Variants in PDZD2 observed in about 807,000 individuals in gnomAD.
The protein encoded by PDZD2 is PDZ domain containing 2.
In PDZD2, 90 loss-of-function variants were observed where a neutral mutation model predicts 220.7. That is an observed-to-expected ratio of 0.41 (90% confidence interval 0.34 to 0.49). The LOEUF (loss-of-function observed/expected upper bound fraction) is 0.49, where lower values mean the gene tolerates loss of function less well. PDZD2 is among the 20% of genes least tolerant of loss of function. The probability of loss-of-function intolerance (pLI) is 0.28; values close to 1 mark genes in which losing one functional copy is unlikely to be tolerated. For synonymous variants in PDZD2, 1,375 were observed against 1,450.5 expected (o/e 0.95, Z 1.18); for missense variants, 3,174 against 3,608.5 (o/e 0.88, Z 3.08).
intron 19 of PDZD2, among the ~76,000 whole-genome samples, chr5:32,078,437 C>G (rs1354925457): frequency 6.6e-6 from 1 of 151,922 alleles, no homozygotes; most frequent in African/African-American, 2.4e-5. Context: ...TAAGACCAGC[C>G]TGGCCAACAT....
intron 2 of PDZD2, among the ~76,000 whole-genome samples, chr5:31,821,235 T>A (rs1244124328): frequency 1.3e-5 from 2 of 152,088 alleles, no homozygotes; most frequent in East Asian, 3.8e-4. Flanking sequence ...ATTACATTTT[T>A]AAATTTATCT....
At chr5:31,654,397 A>G (rs1745465523) in intron 1 of PDZD2, among the ~76,000 whole-genome samples, 2 of 151,966 alleles carry the variant, frequency 1.3e-5, no homozygotes, top group Admixed American at 1.3e-4. Context: ...ATAATGCTGG[A>G]GGGCCCAGGA....
chr5:31,903,209 G>A (rs1332326919), intron 2 of PDZD2, among the ~76,000 whole-genome samples: 2 of 151,432 alleles, frequency 1.3e-5, no homozygotes, highest in Non-Finnish European at 2.9e-5. Flanking sequence ...CGGGAAAATC[G>A]CTTGAACCCG....
intron 1 of PDZD2, among the ~76,000 whole-genome samples, chr5:31,793,080 C>A (rs1412439281): frequency 6.6e-6 from 1 of 152,008 alleles, no homozygotes; most frequent in African/African-American, 2.4e-5. Flanking sequence ...TCAGGTGATC[C>A]GCCCACCTTG....
At chr5:32,082,707 C>CGT (rs1441273653) in intron 19 of PDZD2, among the ~76,000 whole-genome samples, 1 of 152,062 alleles carries the variant, frequency 6.6e-6, no homozygotes, top group Non-Finnish European at 1.5e-5. Flanking sequence ...CAGTAAGATA[C>CGT]GTGTGTGTGT....
chr5:32,002,774 C>CACACA (rs1230801684), intron 5 of PDZD2, among the ~76,000 whole-genome samples: 1 of 29,958 alleles, frequency 3.3e-5, no homozygotes, highest in Non-Finnish European at 7.7e-5. Flanking sequence ...ACCACACACA[C>CACACA]CAACACACAA....
chr5:31,727,375 A>G (rs935539033), intron 1 of PDZD2, among the ~76,000 whole-genome samples: 1 of 152,172 alleles, frequency 6.6e-6, no homozygotes, highest in Admixed American at 6.5e-5. Context: ...CCCACTGCAA[A>G]TATACCAGCC....
At chr5:31,727,081 C>A (rs1393458403) in intron 1 of PDZD2, among the ~76,000 whole-genome samples, 1 of 152,186 alleles carries the variant, frequency 6.6e-6, no homozygotes, top group Non-Finnish European at 1.5e-5. Context: ...AGCTCACTCA[C>A]TATCACGAAG....
intron 1 of PDZD2, among the ~76,000 whole-genome samples, chr5:31,779,453 C>A (rs1388181761): frequency 1.4e-4 from 10 of 73,982 alleles, no homozygotes; most frequent in South Asian, 7.8e-4. Flanking sequence ...CGGCTCCCTG[C>A]AAGCTCCACC....
chr5:31,890,735 C>A (rs1025748005), intron 2 of PDZD2, among the ~76,000 whole-genome samples: 14 of 152,240 alleles, frequency 9.2e-5, no homozygotes, highest in South Asian at 6.2e-4. Flanking sequence ...GTTGGGAAGT[C>A]CCTGTGGGCC....
At chr5:31,802,334 A>G (rs1006460116) in intron 2 of PDZD2, among the ~76,000 whole-genome samples, 20 of 152,156 alleles carry the variant, frequency 1.3e-4, no homozygotes, top group African/African-American at 4.6e-4. Context: ...ATAGAGGTTT[A>G]GTGGTGTTCC....
At chr5:31,784,893 C>T (rs1243211756) in intron 1 of PDZD2, among the ~76,000 whole-genome samples, 3 of 151,380 alleles carry the variant, frequency 2.0e-5, no homozygotes, top group South Asian at 4.2e-4. Context: ...GGCGACACAG[C>T]GAGATGCCGT....
In PDZD2 at chr5:31,713,839, G is replaced by A. The variant is rs149137213; in HGVS notation, c.-361+74402G>A. On this transcript the variant is annotated intron_variant, in intron 1 of 24. Coordinates refer to ENST00000438447, the MANE Select transcript of PDZD2 (RefSeq NM_178140.4). Reference sequence around the variant, plus strand: ...TGGGATTACAGGTGTGAGCCACCACGCATGGCCACTCCACTTTCCATTTTA... The same window carrying A: ...TGGGATTACAGGTGTGAGCCACCACACATGGCCACTCCACTTTCCATTTTA... 2.2e-3 allele frequency among the ~76,000 whole-genome samples: 340 copies of A among 152,270 alleles called. 2 individuals are homozygous for A. The highest frequency in any genetic ancestry group is 7.6e-3 in the African/African-American group (315 of 41,558).
intron 2 of PDZD2, among the ~76,000 whole-genome samples, chr5:31,805,842 G>T (rs758748982): frequency 2.0e-4 from 30 of 152,110 alleles, no homozygotes; most frequent in Non-Finnish European, 3.7e-4. Flanking sequence ...TATAAAAAGG[G>T]CAAATTCGGT....
chr5:31,653,303 T>G (rs548783944), intron 1 of PDZD2, among the ~76,000 whole-genome samples: 71 of 152,210 alleles, frequency 4.7e-4, no homozygotes, highest in Non-Finnish European at 8.2e-4. Context: ...ATATCCTGTT[T>G]GATGCTGTGA....
intron 2 of PDZD2, among the ~76,000 whole-genome samples, chr5:31,900,757 C>T (rs1007862245): frequency 3.9e-5 from 6 of 152,170 alleles, no homozygotes; most frequent in South Asian, 2.1e-4. Flanking sequence ...ATTATCACCC[C>T]GAGGAACAGC....
At chr5:31,790,969 A>G (rs1384816294) in intron 1 of PDZD2, among the ~76,000 whole-genome samples, 2 of 151,744 alleles carry the variant, frequency 1.3e-5, no homozygotes, top group East Asian at 3.9e-4. Context: ...AAGTGCTGGG[A>G]TTACAGGCAT....
intron 19 of PDZD2, among the ~76,000 whole-genome samples, chr5:32,080,347 CAA>C (rs35491724): frequency 2.8e-4 from 15 of 54,272 alleles, no homozygotes; most frequent in African/African-American, 9.6e-4. Context: ...GACTCCATCT[CAA>C]AAAAAAAAAA....
chr5:31,758,844 C>G (rs500557), intron 1 of PDZD2, among the ~76,000 whole-genome samples: 82,622 of 151,874 alleles, frequency 0.54, 22,970 homozygotes, highest in East Asian at 0.85. Flanking sequence ...AAGTGTATGG[C>G]CTCTGCTTTG....
Sources: allele counts gnomAD v4.1 joint callset (sites outside exome capture counted in the v4.1 genomes callset), GRCh38; gene constraint gnomAD v4.1.1; transcripts MANE v1.5; gene names NCBI Gene and HGNC (gene_info 2026-07-23, HGNC 2026-07-21).